The following SGCZ variants were observed in gnomAD, a reference collection of about 807,000 sequenced individuals.
SGCZ encodes zeta-sarcoglycan.
SGCZ carries 40 observed loss-of-function variants against 41.3 expected under a neutral mutation model. The observed-to-expected ratio is 0.97, with a 90% CI of 0.75 to 1.26. The LOEUF (loss-of-function observed/expected upper bound fraction) is 1.26, where lower values mean the gene tolerates loss of function less well. Ranked by LOEUF, SGCZ falls within the 50% of genes most tolerant of loss-of-function variation. The probability of loss-of-function intolerance (pLI) is 0.00; values close to 1 mark genes in which losing one functional copy is unlikely to be tolerated. For missense variants in SGCZ, 552 were observed against 369.8 expected (o/e 1.49, Z -4.04); for synonymous variants, 206 against 137.5 (o/e 1.50, Z -3.49).
At chr8:14,120,520 A>C (rs2117033928) in intron 5 of SGCZ, among the ~76,000 whole-genome samples, 1 of 152,254 alleles carries the variant, frequency 6.6e-6, no homozygotes, top group South Asian at 2.1e-4. Context: ...TCACCACTTT[A>C]ATTCAACTCT....
intron 2 of SGCZ, among the ~76,000 whole-genome samples, chr8:14,476,564 C>T (rs952577084): frequency 1.3e-5 from 2 of 152,054 alleles, no homozygotes; most frequent in East Asian, 3.9e-4. Flanking sequence ...CTCTCTAACT[C>T]TTGAGAGGAC....
intron 5 of SGCZ, among the ~76,000 whole-genome samples, chr8:14,133,501 C>A (rs556307472): frequency 1.3e-3 from 199 of 152,194 alleles, no homozygotes; most frequent in African/African-American, 4.5e-3. Flanking sequence ...ATAATTTGTG[C>A]ATAAGGTCTT....
At chr8:15,067,861 G>C (rs1050238081) in intron 1 of SGCZ, among the ~76,000 whole-genome samples, 1 of 152,178 alleles carries the variant, frequency 6.6e-6, no homozygotes, top group African/African-American at 2.4e-5. Context: ...TGAAAAGCAT[G>C]CCCATTCCTC....
intron 2 of SGCZ, among the ~76,000 whole-genome samples, chr8:14,328,697 C>A (rs1203638586): frequency 2.0e-5 from 3 of 152,080 alleles, no homozygotes. Flanking sequence ...AGTTATGATA[C>A]TCTTGTTCAT....
intron 1 of SGCZ, among the ~76,000 whole-genome samples, chr8:14,988,359 T>C (rs573309920): frequency 2.2e-4 from 34 of 152,108 alleles, no homozygotes; most frequent in Middle Eastern, 3.4e-3. Flanking sequence ...TTTTAAGATA[T>C]ACTATACTTT....
chr8:14,995,555 G>A (rs1484052880), intron 1 of SGCZ, among the ~76,000 whole-genome samples: 1 of 152,136 alleles, frequency 6.6e-6, no homozygotes, highest in Non-Finnish European at 1.5e-5. Context: ...TAATTTTGGG[G>A]TTCATCCAAA....
intron 2 of SGCZ, among the ~76,000 whole-genome samples, chr8:14,328,515 G>C (rs998515406): frequency 1.3e-5 from 2 of 152,100 alleles, no homozygotes; most frequent in African/African-American, 4.8e-5. Context: ...GATTACATGA[G>C]GATGTAGAAA....
At chr8:14,811,675 T>C (rs2130539093) in intron 1 of SGCZ, among the ~76,000 whole-genome samples, 1 of 151,760 alleles carries the variant, frequency 6.6e-6, no homozygotes, top group African/African-American at 2.4e-5. Context: ...AAGAGTACAT[T>C]GTCTCCTCTC....
At chr8:14,533,288 C>A (rs1803193084) in intron 2 of SGCZ, among the ~76,000 whole-genome samples, 1 of 151,842 alleles carries the variant, frequency 6.6e-6, no homozygotes, top group Non-Finnish European at 1.5e-5. Context: ...TCCAATGTAC[C>A]TTTGTAAAAT....
At chr8:14,482,310 G>A (rs760518221) in intron 2 of SGCZ, among the ~76,000 whole-genome samples, 14 of 152,048 alleles carry the variant, frequency 9.2e-5, no homozygotes, top group Non-Finnish European at 1.9e-4. Context: ...TACCTTTTAC[G>A]GAAAGCATAC....
chr8:14,190,459 A>C (rs187475374), intron 4 of SGCZ, among the ~76,000 whole-genome samples: 2 of 152,044 alleles, frequency 1.3e-5, no homozygotes, highest in Non-Finnish European at 2.9e-5. Context: ...AGACACTTCC[A>C]ATGTTTTAAT....
chr8:14,782,211 A>T (rs1800613349), intron 1 of SGCZ, among the ~76,000 whole-genome samples: 1 of 152,200 alleles, frequency 6.6e-6, no homozygotes, highest in African/African-American at 2.4e-5. Flanking sequence ...GCTAAAACTT[A>T]TTAAGCACTT....
chr8:14,164,526 G>C, intron 5 of SGCZ, 54 bp downstream of exon 5: 1 of 1,604,134 alleles, frequency 6.2e-7, no homozygotes, highest in Non-Finnish European at 8.5e-7. Flanking sequence ...TCCTTGTGCA[G>C]TTGTATATTC....
chr8:14,989,148 G>C (rs537818540), intron 1 of SGCZ, among the ~76,000 whole-genome samples: 2 of 152,260 alleles, frequency 1.3e-5, no homozygotes, highest in South Asian at 4.1e-4. Context: ...TCCCAGAGGA[G>C]AAGGGTCTGT....
intron 1 of SGCZ, among the ~76,000 whole-genome samples, chr8:14,795,289 CAT>C (rs1314830582): frequency 1.3e-5 from 2 of 152,150 alleles, no homozygotes; most frequent in African/African-American, 4.8e-5. Flanking sequence ...ATTTACTTAA[CAT>C]AGAAGAAAAT....
chr8:14,360,964 A>G lies in SGCZ; in HGVS notation c.235-36760T>C, dbSNP rs76070461. ...CTCAGCAGCATGTGACGTTGCCACT[A>G]TATTTTATATTAGCATTCTGATACC... On this transcript the variant is annotated intron_variant, in intron 2 of 7. Transcript: ENST00000382080. Among the ~76,000 whole-genome samples, 822 of 152,252 alleles carry G rather than the reference A, an allele frequency of 5.4e-3. 11 individuals are homozygous for G. Among genetic ancestry groups the G allele is most frequent in the African/African-American group, 0.019 (781 of 41,540 alleles).
At chr8:14,693,745 C>A (rs1042511730) in intron 1 of SGCZ, among the ~76,000 whole-genome samples, 5 of 151,870 alleles carry the variant, frequency 3.3e-5, no homozygotes, top group Non-Finnish European at 7.4e-5. Flanking sequence ...CGCCTGCCAC[C>A]ACTCCCAGCT....
At chr8:14,339,143 G>C (rs1311273469) in intron 2 of SGCZ, among the ~76,000 whole-genome samples, 3 of 151,926 alleles carry the variant, frequency 2.0e-5, no homozygotes, top group Non-Finnish European at 4.4e-5. Flanking sequence ...TCAGTGCTAC[G>C]AAAGCACTTT....
intron 1 of SGCZ, among the ~76,000 whole-genome samples, chr8:14,996,440 C>T (rs1034488157): frequency 2.6e-5 from 4 of 152,064 alleles, no homozygotes; most frequent in Non-Finnish European, 5.9e-5. Context: ...CCCTCCCTGT[C>T]CCCCAGGCTG....
Sources: gnomAD v4.1 joint callset for allele counts (sites outside exome capture counted in the v4.1 genomes callset) on GRCh38, gnomAD v4.1.1 for gene constraint, MANE v1.5 for transcripts, NCBI Gene and HGNC (gene_info 2026-07-23, HGNC 2026-07-21) for gene names.